EIF2B3: variants seen among roughly 807,000 people sequenced by gnomAD.
The protein encoded by EIF2B3 is eukaryotic translation initiation factor 2B subunit gamma, also known as translation initiation factor eIF2B subunit gamma.
A neutral mutation model predicts 54.1 loss-of-function variants in EIF2B3; 20 were observed. The observed-to-expected ratio is 0.37, with a 90% CI of 0.26 to 0.54. EIF2B3 has a LOEUF of 0.54. Among genes scored for constraint, EIF2B3 ranks in the 20% least tolerant of loss-of-function variants. The pLI, the probability that EIF2B3 is intolerant of heterozygous loss-of-function variation, is 0.86. For synonymous variants in EIF2B3, 153 were observed against 188.1 expected (o/e 0.81, Z 1.52); for missense variants, 448 against 547.8 (o/e 0.82, Z 1.82).
chr1:44,858,554 C>T (rs1291015222), intron 10 of EIF2B3, among the ~76,000 whole-genome samples: 2 of 151,978 alleles, frequency 1.3e-5, no homozygotes, highest in African/African-American at 2.4e-5. Context: ...ACTACAGCCT[C>T]CACCTCCTGG....
At chr1:44,958,200 C>A (rs981256842) in intron 3 of EIF2B3, among the ~76,000 whole-genome samples, 1 of 152,124 alleles carries the variant, frequency 6.6e-6, no homozygotes, top group African/African-American at 2.4e-5. Context: ...TATCTACAGA[C>A]CCCCTGAAAA....
rs1643617932 is a variant in EIF2B3, at chr1:44,916,125, G to A, written c.566+10503C>T. Among the ~76,000 whole-genome samples, 6 of 152,196 alleles carry A rather than the reference G, an allele frequency of 3.9e-5. No individual in the cohort carries two copies. In the South Asian group the frequency reaches 1.2e-3, roughly 32 times the overall value. ...ACATTCTGCAACCATAATTCCTATA[G>A]TTGTTGTGTGTCAGTTCTACATATA... On this transcript the variant is annotated intron_variant, in intron 5 of 11. Transcript: ENST00000360403.
rs1367067801 is a variant in EIF2B3 at position 44,850,762 on chromosome 1, A to G, written c.*189T>C. Reference sequence around the variant, plus strand: ...ACTTGCTCCAGATGATCTTTACCACATGACACATGAACATACACTGTGTAC... The same window carrying G: ...ACTTGCTCCAGATGATCTTTACCACGTGACACATGAACATACACTGTGTAC... On this transcript the variant is annotated 3_prime_UTR_variant, in exon 12 of 12. Transcript: ENST00000360403. 5 of 632,370 alleles carry G rather than the reference A, an allele frequency of 7.9e-6. No homozygotes were observed. The highest frequency in any genetic ancestry group is 7.5e-5 in the South Asian group (4 of 53,308). The allele number at this position is 632,370 out of a possible 1,614,324, so 39.2% of individuals were successfully genotyped here.
chr1:44,914,656 C>CTCCT (rs563577428), intron 5 of EIF2B3, among the ~76,000 whole-genome samples: 3 of 151,698 alleles, frequency 2.0e-5, no homozygotes, highest in South Asian at 2.1e-4. Flanking sequence ...TTAAAAAATT[C>CTCCT]TCCTTCCTTC....
chr1:44,882,191 G>C (rs1431524990), intron 6 of EIF2B3, among the ~76,000 whole-genome samples: 1 of 152,146 alleles, frequency 6.6e-6, no homozygotes, highest in African/African-American at 2.4e-5. Flanking sequence ...CTGACTTCAA[G>C]GAATTCATAA....
intron 6 of EIF2B3, among the ~76,000 whole-genome samples, chr1:44,888,501 C>G (rs112326370): frequency 6.7e-6 from 1 of 149,666 alleles, no homozygotes; most frequent in East Asian, 2.0e-4. Context: ...CTCTCTCTCT[C>G]TGTGCAAATT....
intron 10 of EIF2B3, among the ~76,000 whole-genome samples, chr1:44,870,984 C>T (rs1487377637): frequency 5.3e-5 from 8 of 152,174 alleles, no homozygotes; most frequent in South Asian, 2.1e-4. Context: ...CTTCCAAATT[C>T]GTACTTCAAG....
chr1:44,857,865 C>T (rs1377503945), intron 10 of EIF2B3, 58 bp from the exon 11 acceptor site: 3 of 1,547,922 alleles, frequency 1.9e-6, no homozygotes, highest in East Asian at 2.2e-5. Context: ...ATCCTCATTA[C>T]TATTGGTTGG....
intron 8 of EIF2B3, among the ~76,000 whole-genome samples, chr1:44,878,395 T>C (rs562589959): frequency 1.3e-5 from 2 of 152,312 alleles, no homozygotes; most frequent in African/African-American, 4.8e-5. Context: ...CCTGAGAAGC[T>C]GGGATTACAG....
chr1:44,899,443 T>C (rs1656099148), intron 5 of EIF2B3, among the ~76,000 whole-genome samples: 2 of 152,064 alleles, frequency 1.3e-5, no homozygotes, highest in African/African-American at 4.8e-5. Flanking sequence ...ATGACAAAGG[T>C]GTAATATCAA....
intron 5 of EIF2B3, among the ~76,000 whole-genome samples, chr1:44,921,814 G>A (rs996376925): frequency 4.6e-5 from 7 of 151,964 alleles, no homozygotes; most frequent in Non-Finnish European, 8.8e-5. Flanking sequence ...TTGAAGTCAG[G>A]TAATATGATT....
chr1:44,942,417 A>ATATATATT (rs1557697130), intron 3 of EIF2B3, among the ~76,000 whole-genome samples: 1 of 5,190 alleles, frequency 1.9e-4, no homozygotes. Context: ...ATATATATAT[A>ATATATATT]TTTTTTTTTT....
intron 1 of EIF2B3, among the ~76,000 whole-genome samples, chr1:44,986,012 T>C (rs1644570718): frequency 6.6e-6 from 1 of 151,912 alleles, no homozygotes; most frequent in Non-Finnish European, 1.5e-5. Context: ...AACAAATGAA[T>C]GAAGGGCTGA....
intron 8 of EIF2B3, among the ~76,000 whole-genome samples, chr1:44,878,625 C>G (rs1211088831): frequency 6.6e-6 from 1 of 152,154 alleles, no homozygotes; most frequent in Non-Finnish European, 1.5e-5. Context: ...CCCTGGTCTA[C>G]ACCTGCAATT....
chr1:44,905,328 T>C (rs543168402), intron 5 of EIF2B3, among the ~76,000 whole-genome samples: 57 of 152,326 alleles, frequency 3.7e-4, no homozygotes, highest in African/African-American at 7.7e-4. Flanking sequence ...TTCCAAGTTC[T>C]GCTCCAGGTC....
intron 6 of EIF2B3, among the ~76,000 whole-genome samples, chr1:44,891,407 A>G (rs1241747523): frequency 6.6e-6 from 1 of 152,186 alleles, no homozygotes; most frequent in Non-Finnish European, 1.5e-5. Context: ...GAATACAGGC[A>G]TGAGCCACCG....
In EIF2B3 at chr1:44,897,406, G is replaced by A; in HGVS notation, c.605C>T (p.Ala202Val). ...GTATTTTTTCAAACAGTAGAGGTGG[G>A]CATCCACAAGACCCGTGTGGAAACG... ...RIRFHTGLVD[A>V]HLYCLKKYIV... is the part of the protein sequence containing the mutation. The change falls in exon 6 of 12, where the codon GCC becomes GTC. Residue 202 changes from alanine to valine, a missense_variant. Transcript: ENST00000360403. 1 of 1,613,174 alleles carries A rather than the reference G, an allele frequency of 6.2e-7. No individual in the cohort carries two copies. The highest frequency in any genetic ancestry group is 1.7e-5 in the Admixed American group (1 of 59,972).
chr1:44,970,465 G>A (rs1342886011), intron 3 of EIF2B3, among the ~76,000 whole-genome samples: 2 of 152,050 alleles, frequency 1.3e-5, no homozygotes, highest in Non-Finnish European at 2.9e-5. Context: ...TTTAGGGAAT[G>A]TTCTTATCTT....
chr1:44,906,155 G>A (rs1643407205), intron 5 of EIF2B3, among the ~76,000 whole-genome samples: 1 of 152,208 alleles, frequency 6.6e-6, no homozygotes, highest in Non-Finnish European at 1.5e-5. Flanking sequence ...TAGTCTCACT[G>A]GTCTAGCTAA....
Sources: gnomAD v4.1 joint callset for allele counts (sites outside exome capture counted in the v4.1 genomes callset) on GRCh38, gnomAD v4.1.1 for gene constraint, MANE v1.5 for transcripts, NCBI Gene and HGNC (gene_info 2026-07-23, HGNC 2026-07-21) for gene names.